The following DAPK1 variants were observed in gnomAD, a reference collection of about 807,000 sequenced individuals.
DAPK1 encodes the protein death-associated protein kinase 1.
Under a neutral mutation model 144.9 loss-of-function variants are expected in DAPK1, and 56 were observed. That is an observed-to-expected ratio of 0.39 (90% confidence interval 0.31 to 0.48). The LOEUF is 0.48. DAPK1 is among the 20% of genes least tolerant of loss of function. The pLI is 0.95. For missense variants in DAPK1, 1,454 were observed against 1,875.4 expected (o/e 0.78, Z 4.15); for synonymous variants, 690 against 749.0 (o/e 0.92, Z 1.29).
rs529186481 is a variant in DAPK1, at chr9:87,575,275, G to A, written c.63-29679G>A. ...ATAAAATAAAATAAAATAAAATAAA[G>A]GTAAAAGGCAAGATGCATACATTCA... On this transcript the variant is annotated intron_variant, in intron 2 of 25. Coordinates refer to ENST00000408954, the MANE Select transcript of DAPK1 (RefSeq NM_004938.4). 7.2e-4 allele frequency among the ~76,000 whole-genome samples: 87 copies of A among 120,660 alleles called. No homozygotes were observed. The Middle Eastern group carries it at 0.013, about 19-fold the overall frequency. 79.2% of individuals were successfully genotyped at this position (120,660 alleles called of 152,430 possible).
intron 21 of DAPK1, among the ~76,000 whole-genome samples, chr9:87,688,458 G>C (rs1410073888): frequency 1.3e-5 from 2 of 152,186 alleles, no homozygotes; most frequent in East Asian, 3.9e-4. Context: ...TATATACCCA[G>C]AAATGGGATT....
At chr9:87,675,678 T>G (rs1366924558) in intron 19 of DAPK1, among the ~76,000 whole-genome samples, 1 of 151,916 alleles carries the variant, frequency 6.6e-6, no homozygotes, top group Non-Finnish European at 1.5e-5. Flanking sequence ...CAGAGGGACC[T>G]GATAGGAGGT....
At chr9:87,643,948 C>G (rs1045878266) in intron 11 of DAPK1, among the ~76,000 whole-genome samples, 2 of 152,146 alleles carry the variant, frequency 1.3e-5, no homozygotes, top group African/African-American at 4.8e-5. Context: ...TTCCCACACA[C>G]CCACACCAGA....
intron 3 of DAPK1, among the ~76,000 whole-genome samples, chr9:87,617,073 A>T (rs550042346): frequency 6.6e-6 from 1 of 152,252 alleles, no homozygotes; most frequent in Non-Finnish European, 1.5e-5. Flanking sequence ...AGTAGTTACA[A>T]CCCAAACTTC....
At chr9:87,591,489 CA>C (rs1471526084) in intron 2 of DAPK1, among the ~76,000 whole-genome samples, 12 of 152,144 alleles carry the variant, frequency 7.9e-5, no homozygotes, top group Non-Finnish European at 1.0e-4. Flanking sequence ...TTTAGGAACC[CA>C]TAAAGCATTG....
At chr9:87,583,604 G>A (rs1267305956) in intron 2 of DAPK1, among the ~76,000 whole-genome samples, 1 of 152,096 alleles carries the variant, frequency 6.6e-6, no homozygotes, top group Non-Finnish European at 1.5e-5. Context: ...CTAAGCTTGC[G>A]GCCTTCCCCT....
At chr9:87,619,259 G>A (rs935265025) in intron 3 of DAPK1, among the ~76,000 whole-genome samples, 1 of 152,184 alleles carries the variant, frequency 6.6e-6, no homozygotes, top group African/African-American at 2.4e-5. Context: ...AGCACATACT[G>A]TACTGTATTT....
At position 87,595,752 on chromosome 9, in the gene DAPK1, G is replaced by A. The variant is rs111974710; in HGVS notation, c.63-9202G>A. Among the ~76,000 whole-genome samples the A allele has an allele frequency of 6.3e-3, 954 of 152,212 alleles. 9 individuals are homozygous for A. Among genetic ancestry groups the A allele is most frequent in the African/African-American group, 0.022 (895 of 41,530 alleles). ...TCCTCTGCTCTCCTTGGCCCATTGC[G>A]CTGTTCGCCCTTCTCTTTCTGCATC... is the stretch of plus-strand genomic sequence containing the variant. On this transcript the variant is annotated intron_variant, in intron 2 of 25. Transcript: ENST00000408954.
At chr9:87,542,931 A>G (rs1826106122) in intron 2 of DAPK1, among the ~76,000 whole-genome samples, 1 of 152,212 alleles carries the variant, frequency 6.6e-6, no homozygotes, top group Admixed American at 6.5e-5. Context: ...TGTTCTGGTA[A>G]CTTGGCTCAT....
Position 87,536,849 on chromosome 9 carries a change from T to C in DAPK1, c.62+37710T>C, listed in dbSNP as rs188605550. On this transcript the variant is annotated intron_variant, in intron 2 of 25. Transcript: ENST00000408954. ...AATAAATTTATTCAAAATTCAACAA[T>C]GGGGAAGAACTTTAATTAACCTGAT... 7.2e-5 allele frequency among the ~76,000 whole-genome samples: 11 copies of C among 152,334 alleles called. No individual in the cohort carries two copies. In the East Asian group the frequency reaches 2.1e-3, roughly 29 times the overall value.
intron 10 of DAPK1, 55 bp from the exon 11 acceptor site, chr9:87,643,321 C>T: frequency 9.1e-7 from 1 of 1,096,516 alleles, no homozygotes; most frequent in South Asian, 1.5e-5. Flanking sequence ...CCTCCTCTCA[C>T]CCTGCCTTTT....
intron 3 of DAPK1, among the ~76,000 whole-genome samples, chr9:87,635,470 A>T (rs116006864): frequency 6.6e-6 from 1 of 152,176 alleles, no homozygotes. Flanking sequence ...CATTCACAGC[A>T]GAAGTTTCAG....
chr9:87,575,001 TGAGGTCA>T (rs2118776249), intron 2 of DAPK1, among the ~76,000 whole-genome samples: 1 of 152,128 alleles, frequency 6.6e-6, no homozygotes, highest in East Asian at 1.9e-4. Context: ...GTGGATCACC[TGAGGTCA>T]GGAGTTCAAG....
chr9:87,701,883 G>C (rs1024432929), intron 24 of DAPK1: 1 of 470,450 alleles, frequency 2.1e-6, no homozygotes, highest in Non-Finnish European at 4.4e-6. Context: ...TCCCACTGTG[G>C]CATCATCAGA....
chr9:87,502,190 G>A (rs1824429401), intron 2 of DAPK1, among the ~76,000 whole-genome samples: 1 of 152,018 alleles, frequency 6.6e-6, no homozygotes, highest in Non-Finnish European at 1.5e-5. Context: ...GTTGCTGACA[G>A]CATTCAGCCT....
chr9:87,548,571 C>T (rs1007102499), intron 2 of DAPK1, among the ~76,000 whole-genome samples: 9 of 152,176 alleles, frequency 5.9e-5, no homozygotes, highest in Admixed American at 2.6e-4. Context: ...ACTGGATTCC[C>T]CAACAACAAC....
chr9:87,555,256 A>G (rs922749048), intron 2 of DAPK1, among the ~76,000 whole-genome samples: 1 of 152,202 alleles, frequency 6.6e-6, no homozygotes, highest in Non-Finnish European at 1.5e-5. Context: ...ATAATACAGC[A>G]CGTTCTTAAG....
At chr9:87,524,436 G>C (rs548196087) in intron 2 of DAPK1, among the ~76,000 whole-genome samples, 1 of 152,174 alleles carries the variant, frequency 6.6e-6, no homozygotes, top group Non-Finnish European at 1.5e-5. Context: ...CTAAGCTGAC[G>C]TGGAAAGTTG....
chr9:87,602,848 G>C (rs1221755301), intron 2 of DAPK1, among the ~76,000 whole-genome samples: 1 of 151,920 alleles, frequency 6.6e-6, no homozygotes, highest in Non-Finnish European at 1.5e-5. Context: ...TGGCCAGGCT[G>C]GTCTCGAACT....
Sources: gnomAD v4.1 joint callset for allele counts (sites outside exome capture counted in the v4.1 genomes callset) on GRCh38, gnomAD v4.1.1 for gene constraint, MANE v1.5 for transcripts, NCBI Gene and HGNC (gene_info 2026-07-23, HGNC 2026-07-21) for gene names.